HHAT: variants seen among roughly 807,000 people sequenced by gnomAD.
HHAT encodes hedgehog acyltransferase.
In HHAT, 47 loss-of-function variants were observed where a neutral mutation model predicts 70.8. The observed-to-expected ratio is 0.66, with a 90% confidence interval of 0.53 to 0.85. The LOEUF (loss-of-function observed/expected upper bound fraction) is 0.85, where lower values mean the gene tolerates loss of function less well. Among genes scored for constraint, HHAT ranks in the 40% least tolerant of loss-of-function variants. HHAT has a pLI of 0.00. For missense variants in HHAT, 609 were observed against 604.8 expected, an observed-to-expected ratio of 1.01 and a Z score of -0.07; for synonymous variants, 228 against 247.6, an observed-to-expected ratio of 0.92 and a Z score of 0.74.
At chr1:210,614,111 C>T (rs1351403208) in intron 10 of HHAT, among the ~76,000 whole-genome samples, 5 of 150,262 alleles carry the variant, frequency 3.3e-5, no homozygotes, top group Non-Finnish European at 7.4e-5. Flanking sequence ...TTTGTAGTTT[C>T]ATTATACAAA....
intron 1 of HHAT, among the ~76,000 whole-genome samples, chr1:210,340,412 C>T (rs551666546): frequency 4.9e-4 from 75 of 152,162 alleles, no homozygotes; most frequent in South Asian, 2.7e-3. Flanking sequence ...AGTCTCATAC[C>T]ACTTTTTCCG....
At chr1:210,526,146 G>A (rs955244356) in intron 9 of HHAT, among the ~76,000 whole-genome samples, 16 of 152,160 alleles carry the variant, frequency 1.1e-4, no homozygotes, top group African/African-American at 3.9e-4. Context: ...CGAGCTTGGA[G>A]GGGCAGAGGT....
At chr1:210,582,008 A>T (rs2148769566) in intron 9 of HHAT, among the ~76,000 whole-genome samples, 1 of 152,332 alleles carries the variant, frequency 6.6e-6, no homozygotes, top group South Asian at 2.1e-4. Flanking sequence ...TAATAGACAC[A>T]TTTTGGTAAA....
Position 210,503,749 on chromosome 1 carries a change from A to G in HHAT, c.1008-9404A>G, listed in dbSNP as rs542417782. On this transcript the variant is annotated intron_variant, in intron 8 of 11. Transcript: ENST00000261458. Reference sequence around the variant, plus strand: ...GTCTGGCTTCCATTTCCCCCACTCAATGAAGCTACTCCTCAAAGTTGCCGG... The same window carrying G: ...GTCTGGCTTCCATTTCCCCCACTCAGTGAAGCTACTCCTCAAAGTTGCCGG... Among the ~76,000 whole-genome samples, 37 of 152,090 alleles carry G rather than the reference A, an allele frequency of 2.4e-4. 1 individual carries two copies. The highest frequency in any genetic ancestry group is 5.8e-4 in the African/African-American group (24 of 41,492).
intron 11 of HHAT, among the ~76,000 whole-genome samples, chr1:210,639,981 G>A (rs1488534343): frequency 6.6e-6 from 1 of 152,206 alleles, no homozygotes; most frequent in Non-Finnish European, 1.5e-5. Flanking sequence ...TGATTGGAAT[G>A]TTCCTTGTAC....
intron 8 of HHAT, among the ~76,000 whole-genome samples, chr1:210,495,170 A>G (rs559647995): frequency 6.6e-6 from 1 of 152,144 alleles, no homozygotes; most frequent in East Asian, 1.9e-4. Flanking sequence ...GTGAAAATCA[A>G]GGAGGATATC....
chr1:210,664,140 T>A (rs1473907564), intron 11 of HHAT, among the ~76,000 whole-genome samples: 1 of 152,248 alleles, frequency 6.6e-6, no homozygotes, highest in Non-Finnish European at 1.5e-5. Context: ...GCTTTGCTGT[T>A]GCTGTGTATC....
intron 8 of HHAT, among the ~76,000 whole-genome samples, chr1:210,505,208 A>G (rs1239474905): frequency 2.6e-5 from 4 of 152,072 alleles, no homozygotes. Context: ...CCAACTTTTT[A>G]TTCTTGACTG....
At chr1:210,608,576 A>G (rs575779745) in intron 10 of HHAT, among the ~76,000 whole-genome samples, 45 of 152,278 alleles carry the variant, frequency 3.0e-4, no homozygotes, top group African/African-American at 1.1e-3. Flanking sequence ...GAACTGGTGA[A>G]GTTCCCCAAA....
intron 6 of HHAT, among the ~76,000 whole-genome samples, chr1:210,407,926 A>G (rs1361914536): frequency 6.6e-6 from 1 of 152,094 alleles, no homozygotes; most frequent in South Asian, 2.1e-4. Context: ...CTCCCACCTT[A>G]GAGAAGCCAG....
At chr1:210,358,068 G>T (rs1239929500) in intron 2 of HHAT, among the ~76,000 whole-genome samples, 2 of 152,208 alleles carry the variant, frequency 1.3e-5, no homozygotes, top group East Asian at 3.9e-4. Flanking sequence ...CTCCCACAAT[G>T]ACATGGGGCA....
intron 11 of HHAT, among the ~76,000 whole-genome samples, chr1:210,669,095 T>G (rs1679554071): frequency 6.6e-6 from 1 of 152,052 alleles, no homozygotes; most frequent in African/African-American, 2.4e-5. Flanking sequence ...TTAAAGAAGG[T>G]TTTTCACTGG....
chr1:210,388,441 T>TGG lies in HHAT; in HGVS notation c.273+862_273+863dup, dbSNP rs2091236141. 2.0e-5 allele frequency among the ~76,000 whole-genome samples: 3 copies of TGG among 152,254 alleles called. No individual in the cohort carries two copies. The South Asian group carries it at 6.2e-4, about 32-fold the overall frequency. On this transcript the variant is annotated intron_variant, in intron 4 of 11. Transcript: ENST00000261458. ...TGTGGTTAGAGATGCGCACCTAACT[T>TGG]GGGCCAGTTTCTGACTCTTTCCTGA...
chr1:210,460,422 A>G (rs1426522803), intron 7 of HHAT, among the ~76,000 whole-genome samples: 4 of 152,200 alleles, frequency 2.6e-5, no homozygotes, highest in African/African-American at 7.2e-5. Context: ...ATGCATTCCA[A>G]GCACCTAGAA....
intron 11 of HHAT, among the ~76,000 whole-genome samples, chr1:210,652,440 GA>G (rs1675349277): frequency 6.6e-6 from 1 of 152,172 alleles, no homozygotes; most frequent in Non-Finnish European, 1.5e-5. Flanking sequence ...AGCTGCTACA[GA>G]GGGCAGAACC....
At chr1:210,620,563 A>G (rs1304067017) in intron 10 of HHAT, among the ~76,000 whole-genome samples, 1 of 152,016 alleles carries the variant, frequency 6.6e-6, no homozygotes, top group Non-Finnish European at 1.5e-5. Context: ...GCTTATTGGC[A>G]TGGCTAGTTT....
At chr1:210,387,380 C>T (rs1481059246) in intron 3 of HHAT, 88 bp from the exon 4 acceptor site, 19 of 1,079,722 alleles carry the variant, frequency 1.8e-5, no homozygotes, top group Non-Finnish European at 2.5e-5. Flanking sequence ...CTCACACTGG[C>T]CTTCTTTCCA....
chr1:210,411,222 G>C (rs2092542130), intron 6 of HHAT, among the ~76,000 whole-genome samples: 1 of 152,120 alleles, frequency 6.6e-6, no homozygotes, highest in Non-Finnish European at 1.5e-5. Context: ...CAGTCCAGCT[G>C]CTATCTCTCC....
At chr1:210,520,596 A>T (rs951587614) in intron 9 of HHAT, among the ~76,000 whole-genome samples, 1 of 152,200 alleles carries the variant, frequency 6.6e-6, no homozygotes, top group Admixed American at 6.5e-5. Context: ...TTTAAAGCTG[A>T]TAACAACTTA....
Sources: allele counts gnomAD v4.1 joint callset (sites outside exome capture counted in the v4.1 genomes callset), GRCh38; gene constraint gnomAD v4.1.1; transcripts MANE v1.5; gene names NCBI Gene and HGNC (gene_info 2026-07-23, HGNC 2026-07-21).